PTPRD: variants seen among roughly 807,000 people sequenced by gnomAD.
PTPRD encodes the protein protein tyrosine phosphatase receptor type D, also known as receptor-type tyrosine-protein phosphatase delta.
PTPRD carries 34 observed loss-of-function variants against 214.5 expected under a neutral mutation model. The observed-to-expected ratio is 0.16, with a 90% confidence interval of 0.12 to 0.21. The LOEUF (loss-of-function observed/expected upper bound fraction) is 0.21. Ranked by LOEUF, PTPRD falls within the 10% of genes least tolerant of loss-of-function variation. PTPRD has a pLI of 1.00. For synonymous variants in PTPRD, 1,128 were observed against 845.7 expected (o/e 1.33, Z -5.79); for missense variants, 2,545 against 2,398.7 (o/e 1.06, Z -1.27).
intron 5 of PTPRD, among the ~76,000 whole-genome samples, chr9:9,933,754 C>A (rs940305226): frequency 3.2e-4 from 47 of 148,760 alleles, no homozygotes; most frequent in African/African-American, 1.1e-3. Flanking sequence ...GAACTCTCCA[C>A]CCCAAATCAA....
Position 9,991,698 on chromosome 9 carries a change from G to A in PTPRD, c.-472+42020C>T, listed in dbSNP as rs114622196. Among the ~76,000 whole-genome samples, 493 of 152,218 alleles carry A rather than the reference G, an allele frequency of 3.2e-3. 1 individual carries two copies. Among genetic ancestry groups the A allele is most frequent in the African/African-American group, 0.011 (463 of 41,544 alleles). The stretch of plus-strand genomic sequence containing the variant: ...TACTTTTAAAACAGTGCACAGTCAA[G>A]TCATAGAGAAAGAAAAGATAGGGAT... On this transcript the variant is annotated intron_variant, in intron 4 of 45. Transcript: ENST00000381196.
chr9:9,748,349 C>A (rs906435093), intron 6 of PTPRD, among the ~76,000 whole-genome samples: 3 of 152,048 alleles, frequency 2.0e-5, no homozygotes, highest in Admixed American at 1.3e-4. Flanking sequence ...TAAGAAGGGA[C>A]AATGATCCAT....
chr9:9,745,763 G>A (rs1403018242), intron 6 of PTPRD, among the ~76,000 whole-genome samples: 2 of 151,998 alleles, frequency 1.3e-5, no homozygotes, highest in Non-Finnish European at 2.9e-5. Flanking sequence ...AGCTACACAG[G>A]ACATATTTCA....
intron 5 of PTPRD, among the ~76,000 whole-genome samples, chr9:9,896,767 G>A (rs1229772677): frequency 1.3e-5 from 2 of 151,940 alleles, no homozygotes; most frequent in Non-Finnish European, 2.9e-5. Flanking sequence ...TATCATAATT[G>A]AGTACATTTT....
intron 4 of PTPRD, among the ~76,000 whole-genome samples, chr9:10,001,230 A>G (rs2154093148): frequency 6.6e-6 from 1 of 152,282 alleles, no homozygotes; most frequent in Middle Eastern, 3.4e-3. Context: ...TCCGAAGAGC[A>G]GAAAGATAAA....
chr9:10,104,708 A>G lies in PTPRD; in HGVS notation c.-544-70918T>C, dbSNP rs1233028518. Among the ~76,000 whole-genome samples, 3 of 151,988 alleles carry G rather than the reference A, an allele frequency of 2.0e-5. No homozygotes were observed. In the East Asian group the frequency reaches 5.8e-4, roughly 29 times the overall value. ...CCAGCTTAATTTGTGGATTTATCTG[A>G]AAATCATTATTTTAAACTCAAAGTC... is the stretch of plus-strand genomic sequence containing the variant. On this transcript the variant is annotated intron_variant, in intron 3 of 45. Transcript: ENST00000381196.
intron 3 of PTPRD, among the ~76,000 whole-genome samples, chr9:10,336,697 G>A (rs1273355798): frequency 6.6e-6 from 1 of 151,518 alleles, no homozygotes; most frequent in Non-Finnish European, 1.5e-5. Flanking sequence ...AAAAAATCGA[G>A]GAGGGGAGAC....
At chr9:8,353,840 GTA>G (rs1295863720) in intron 39 of PTPRD, among the ~76,000 whole-genome samples, 1 of 51,370 alleles carries the variant, frequency 1.9e-5, no homozygotes, top group African/African-American at 3.3e-5. Context: ...ATGTATATAT[GTA>G]TATATGTATA....
intron 3 of PTPRD, among the ~76,000 whole-genome samples, chr9:10,199,693 A>G (rs1463264774): frequency 6.6e-6 from 1 of 152,034 alleles, no homozygotes; most frequent in Non-Finnish European, 1.5e-5. Flanking sequence ...TTCCCTTAAG[A>G]CACAAAACCA....
At chr9:9,461,506 C>T (rs577894785) in intron 8 of PTPRD, among the ~76,000 whole-genome samples, 9 of 152,014 alleles carry the variant, frequency 5.9e-5, no homozygotes, top group Non-Finnish European at 1.0e-4. Context: ...GAAAAACAAA[C>T]ACACGATATA....
chr9:8,609,818 T>C (rs1385658348), intron 14 of PTPRD, among the ~76,000 whole-genome samples: 4 of 152,234 alleles, frequency 2.6e-5, no homozygotes, highest in Non-Finnish European at 5.9e-5. Flanking sequence ...CTTAATCATT[T>C]GACTTTTTCC....
chr9:10,571,216 A>T (rs1250439443), intron 2 of PTPRD, among the ~76,000 whole-genome samples: 1 of 152,168 alleles, frequency 6.6e-6, no homozygotes, highest in Admixed American at 6.5e-5. Flanking sequence ...TGAAAACACT[A>T]TCAGATCATA....
rs575184086 is a variant in PTPRD at position 8,490,952 on chromosome 9, C to G, written c.2467+1910G>C. ...TAGGAGCTCACATCTGTGAGATAAA[C>G]TCAGTAATTCTTCACAGTCACATAA... On this transcript the variant is annotated intron_variant, in intron 27 of 45. Coordinates refer to ENST00000381196, the MANE Select transcript of PTPRD (RefSeq NM_002839.4). Among the ~76,000 whole-genome samples, 7 of 152,248 alleles carry G rather than the reference C, an allele frequency of 4.6e-5. No individual in the cohort carries two copies. In the South Asian group the frequency reaches 1.5e-3, roughly 32 times the overall value.
intron 3 of PTPRD, among the ~76,000 whole-genome samples, chr9:10,044,857 C>T (rs291266): frequency 0.38 from 58,103 of 151,386 alleles, 11,553 homozygotes; most frequent in African/African-American, 0.49. Flanking sequence ...ATCATGGGCT[C>T]AGTATCCATT....
At chr9:9,878,919 G>A (rs1007845261) in intron 5 of PTPRD, among the ~76,000 whole-genome samples, 1 of 152,144 alleles carries the variant, frequency 6.6e-6, no homozygotes, top group East Asian at 1.9e-4. Context: ...TTATCAGTCT[G>A]GACTTTATTA....
At chr9:9,288,727 ATC>A (rs1453563782) in intron 9 of PTPRD, among the ~76,000 whole-genome samples, 1 of 151,874 alleles carries the variant, frequency 6.6e-6, no homozygotes, top group African/African-American at 2.4e-5. Context: ...CCCCACCCAA[ATC>A]TCACCTTGAA....
chr9:8,625,860 C>T (rs1214114505), intron 14 of PTPRD, among the ~76,000 whole-genome samples: 1 of 149,930 alleles, frequency 6.7e-6, no homozygotes, highest in Admixed American at 6.6e-5. Context: ...TCCCCGATTG[C>T]CCAGTAGTTA....
At chr9:9,964,390 A>C (rs2094551412) in intron 4 of PTPRD, among the ~76,000 whole-genome samples, 1 of 152,192 alleles carries the variant, frequency 6.6e-6, no homozygotes, top group South Asian at 2.1e-4. Flanking sequence ...TTTCTTAGAA[A>C]AGTTTTGAGA....
chr9:9,237,346 C>A (rs185078207), intron 9 of PTPRD, among the ~76,000 whole-genome samples: 77 of 152,240 alleles, frequency 5.1e-4, no homozygotes, highest in African/African-American at 1.8e-3. Flanking sequence ...AGGAGGATCA[C>A]TGGAGCCCAG....
Sources: allele counts gnomAD v4.1 joint callset (sites outside exome capture counted in the v4.1 genomes callset), GRCh38; gene constraint gnomAD v4.1.1; transcripts MANE v1.5; gene names NCBI Gene and HGNC (gene_info 2026-07-23, HGNC 2026-07-21).